The following MAS1 variants were observed in gnomAD, a reference collection of about 807,000 sequenced individuals.
The protein encoded by MAS1 is proto-oncogene Mas.
For synonymous variants in MAS1, 163 were observed against 164.2 expected, an observed-to-expected ratio of 0.99 and a Z score of 0.05; for missense variants, 387 against 409.7, an observed-to-expected ratio of 0.94 and a Z score of 0.48.
Position 159,909,171 on chromosome 6 carries a change from G to A in MAS1, c.*1238G>A, listed in dbSNP as rs1423129968. ...ATGAGTTGCCCTCCAGACACTGCACGTCCTGGGTTTTAGCTGTGAAGCCCG... is the reference window on the plus strand; with the variant it reads ...ATGAGTTGCCCTCCAGACACTGCACATCCTGGGTTTTAGCTGTGAAGCCCG... On this transcript the variant is annotated 3_prime_UTR_variant, in exon 3 of 3. Transcript: ENST00000674077. 2 of 152,138 alleles carry A rather than the reference G, an allele frequency of 1.3e-5. No individual in the cohort carries two copies. The highest frequency in any genetic ancestry group is 2.9e-5 in the Non-Finnish European group (2 of 68,052). 9.4% of individuals were successfully genotyped at this position (152,138 alleles called of 1,614,324 possible). A position where few individuals can be genotyped will look rare whatever the true frequency, so the allele number is the denominator to read the frequency against.
chr6:159,894,641 C>T lies in MAS1; in HGVS notation c.-244+3508C>T, dbSNP rs551634855. 4.6e-5 allele frequency among the ~76,000 whole-genome samples: 7 copies of T among 152,188 alleles called. No homozygotes were observed. The South Asian group carries it at 6.2e-4, about 14-fold the overall frequency. Reference sequence around the variant, plus strand: ...AACATTCATGCATTGGGGAGGGGCTCGAGCCCCAGATCTTGTCTCACCTGC... The same window carrying T: ...AACATTCATGCATTGGGGAGGGGCTTGAGCCCCAGATCTTGTCTCACCTGC... On this transcript the variant is annotated intron_variant, in intron 1 of 2. Coordinates refer to ENST00000674077, the MANE Select transcript of MAS1 (RefSeq NM_002377.4).
Position 159,913,619 on chromosome 6 carries a change from G to A in MAS1, c.*5686G>A, listed in dbSNP as rs562940004. 2.6e-5 allele frequency: 4 copies of A among 152,148 alleles called. No individual in the cohort carries two copies. The highest frequency in any genetic ancestry group is 4.4e-5 in the Non-Finnish European group (3 of 68,042). The allele number at this position is 152,148 out of a possible 1,614,324, so 9.4% of individuals were successfully genotyped here. A position where few individuals can be genotyped will look rare whatever the true frequency, so the allele number is the denominator to read the frequency against. On this transcript the variant is annotated 3_prime_UTR_variant, in exon 3 of 3. Transcript: ENST00000674077. ...AGGTGGACCAGAGTTCCTACACAAG[G>A]CCCTTTGATGTGGTTTGGGTTTCTT...
chr6:159,899,062 C>T (rs1005515982), intron 1 of MAS1, 124 bp from the exon 2 acceptor site: 3 of 152,250 alleles, frequency 2.0e-5, no homozygotes, highest in Non-Finnish European at 4.4e-5. Flanking sequence ...GCAATGATGT[C>T]ATCCTTATCA....
At chr6:159,904,251 C>G (rs1280298705) in intron 2 of MAS1, among the ~76,000 whole-genome samples, 1 of 152,182 alleles carries the variant, frequency 6.6e-6, no homozygotes, top group Non-Finnish European at 1.5e-5. Context: ...TCTTGCCTCA[C>G]AGATACCCTC....
chr6:159,889,550 C>A (rs1034110911), upstream of MAS1, among the ~76,000 whole-genome samples: 2 of 152,156 alleles, frequency 1.3e-5, no homozygotes, highest in Admixed American at 6.5e-5. Flanking sequence ...TGTTTTCTTC[C>A]GTGGGTCTGA....
intron 2 of MAS1, among the ~76,000 whole-genome samples, chr6:159,904,634 C>T (rs1482012211): frequency 1.3e-5 from 2 of 152,320 alleles, no homozygotes; most frequent in East Asian, 1.9e-4. Context: ...TAGAGTGTCA[C>T]CTGAACACAG....
chr6:159,900,685 T>C (rs1402029736), intron 2 of MAS1, among the ~76,000 whole-genome samples: 2 of 152,222 alleles, frequency 1.3e-5, no homozygotes, highest in African/African-American at 2.4e-5. Flanking sequence ...TGAGTTGTGC[T>C]CTAACCATTA....
chr6:159,897,500 C>A (rs1194047591), intron 1 of MAS1, among the ~76,000 whole-genome samples: 1 of 152,204 alleles, frequency 6.6e-6, no homozygotes, highest in Non-Finnish European at 1.5e-5. Flanking sequence ...AATTTTGAAT[C>A]TTGTGCCTAA....
intron 1 of MAS1, among the ~76,000 whole-genome samples, chr6:159,893,640 T>C (rs1457189945): frequency 1.3e-5 from 2 of 152,164 alleles, no homozygotes; most frequent in African/African-American, 4.8e-5. Flanking sequence ...TTGGTGTCAA[T>C]TTATGATTAT....
chr6:159,900,410 G>T (rs746079481), intron 2 of MAS1, among the ~76,000 whole-genome samples: 51 of 152,208 alleles, frequency 3.4e-4, no homozygotes, highest in Non-Finnish European at 6.5e-4. Flanking sequence ...AGGGTGACGA[G>T]CACGTAGGGC....
chr6:159,900,535 C>G (rs1782810092), intron 2 of MAS1, among the ~76,000 whole-genome samples: 1 of 152,166 alleles, frequency 6.6e-6, no homozygotes, highest in Admixed American at 6.5e-5. Context: ...TTAAATAGAA[C>G]CCCGCTATAA....
At chr6:159,906,864 C>A in intron 2 of MAS1, 56 bp from the exon 3 acceptor site, 2 of 1,341,072 alleles carry the variant, frequency 1.5e-6, no homozygotes, top group Non-Finnish European at 2.0e-6. Flanking sequence ...CCTTTTATTC[C>A]AATTCAACAA....
In MAS1 at chr6:159,907,092, G is replaced by A. The variant is rs1782897577; in HGVS notation, c.137G>A (p.Gly46Glu). ...HWVIMSISPVGFVENGILLWF... is the reference protein window; with the variant it reads ...HWVIMSISPVEFVENGILLWF... The stretch of plus-strand genomic sequence containing the variant: ...GTCATTATGAGCATCTCCCCAGTGG[G>A]GTTTGTTGAGAATGGGATTCTCCTC... Residue 46 changes from glycine (G) to glutamate (E), a missense_variant, in exon 3 of 3, where the codon GGG becomes GAG. Transcript: ENST00000674077. 1.2e-6 allele frequency: 2 copies of A among 1,614,016 alleles called. No individual in the cohort carries two copies. Among genetic ancestry groups the A allele is most frequent in the African/African-American group, 2.7e-5 (2 of 74,908 alleles).
rs527546996 is a variant in MAS1, at chr6:159,915,684, G to C, written c.*7751G>C. 1.3e-5 allele frequency: 2 copies of C among 152,254 alleles called. No homozygotes were observed. Among genetic ancestry groups the C allele is most frequent in the Non-Finnish European group, 2.9e-5 (2 of 68,070 alleles). The allele number at this position is 152,254 out of a possible 1,614,324, so 9.4% of individuals were successfully genotyped here. A position where few individuals can be genotyped will look rare whatever the true frequency, so the allele number is the denominator to read the frequency against. On this transcript the variant is annotated 3_prime_UTR_variant, in exon 3 of 3. Transcript: ENST00000674077. The stretch of plus-strand genomic sequence containing the variant: ...CTCTGTGACTGGTGACTTAGTTGGA[G>C]TTCCACCCAAAGCAGATCCTGAGAC...
chr6:159,904,724 T>C (rs1782864276), intron 2 of MAS1, among the ~76,000 whole-genome samples: 1 of 152,152 alleles, frequency 6.6e-6, no homozygotes, highest in Non-Finnish European at 1.5e-5. Flanking sequence ...TGGTTTATTA[T>C]CTCACTGGGG....
intron 2 of MAS1, among the ~76,000 whole-genome samples, chr6:159,902,815 C>T (rs756495112): frequency 6.6e-6 from 1 of 152,180 alleles, no homozygotes. Flanking sequence ...GACCCCTGGG[C>T]TGCTGTCCCA....
Position 159,907,771 on chromosome 6 carries a change from C to T in MAS1, c.816C>T (p.Asn272=). ...TTTCCCTGCTCTTCTCCACAATCAA[C>T]AGTAGCGCCAACCCTTTCATTTACT... The part of the protein sequence containing the change: ...HHISLLFSTI[N]SSANPFIYFF... Residue 272 remains asparagine (N), a synonymous_variant, in exon 3 of 3, where the codon AAC becomes AAT. Transcript: ENST00000674077. The T allele has an allele frequency of 6.2e-7, 1 of 1,613,610 alleles. No homozygotes were observed. Among genetic ancestry groups the T allele is most frequent in the Non-Finnish European group, 8.5e-7 (1 of 1,179,954 alleles).
intron 2 of MAS1, among the ~76,000 whole-genome samples, chr6:159,905,898 C>G (rs1782879759): frequency 6.6e-6 from 1 of 152,032 alleles, no homozygotes. Context: ...AAAAATTAGC[C>G]AGGCATTGTG....
At position 159,910,689 on chromosome 6, in the gene MAS1, A is replaced by G. The variant is rs957833578; in HGVS notation, c.*2756A>G. The stretch of plus-strand genomic sequence containing the variant: ...AGACTCAAATTGCTTCCACCTAACC[A>G]GAAGCCATTCCTTGCCCCACAGCCC... On this transcript the variant is annotated 3_prime_UTR_variant, in exon 3 of 3. Transcript: ENST00000674077. The G allele has an allele frequency of 6.6e-6, 1 of 152,160 alleles. No homozygotes were observed. Among genetic ancestry groups the G allele is most frequent in the Non-Finnish European group, 1.5e-5 (1 of 68,044 alleles). The allele number at this position is 152,160 out of a possible 1,614,324, so 9.4% of individuals were successfully genotyped here.
Sources: gnomAD v4.1 joint callset for allele counts (sites outside exome capture counted in the v4.1 genomes callset) on GRCh38, gnomAD v4.1.1 for gene constraint, MANE v1.5 for transcripts, NCBI Gene and HGNC (gene_info 2026-07-23, HGNC 2026-07-21) for gene names.